Variants in OLFML1 observed in about 807,000 individuals in gnomAD.
OLFML1 encodes olfactomedin-like protein 1.
A neutral mutation model predicts 37.3 loss-of-function variants in OLFML1; 33 were observed. The ratio of observed to expected loss-of-function variants is 0.88; its 90% CI spans 0.67 to 1.18. OLFML1 has a LOEUF of 1.18. Ranked by LOEUF, OLFML1 falls within the 50% of genes most tolerant of loss-of-function variation. The pLI, the probability that OLFML1 is intolerant of heterozygous loss-of-function variation, is 0.00. For missense variants in OLFML1, 545 were observed against 483.7 expected, an observed-to-expected ratio of 1.13 and a Z score of -1.19; for synonymous variants, 186 against 181.3, an observed-to-expected ratio of 1.03 and a Z score of -0.21.
At chr11:7,491,413 G>A (rs1848596195) in intron 2 of OLFML1, among the ~76,000 whole-genome samples, 2 of 152,176 alleles carry the variant, frequency 1.3e-5, no homozygotes, top group South Asian at 4.1e-4. Context: ...CATGGAGAAG[G>A]CCACAGAAAT....
chr11:7,496,035 T>A (rs145676398), intron 2 of OLFML1, among the ~76,000 whole-genome samples: 26 of 152,290 alleles, frequency 1.7e-4, no homozygotes, highest in African/African-American at 6.3e-4. Context: ...CAACAATCGT[T>A]TATCATTTCT....
At chr11:7,503,687 C>T (rs113377587) in intron 2 of OLFML1, among the ~76,000 whole-genome samples, 4,926 of 152,120 alleles carry the variant, frequency 0.032, 107 homozygotes, top group Middle Eastern at 0.044. Flanking sequence ...GGATGATTTA[C>T]TGAATGATCC....
chr11:7,493,082 T>A (rs1007329559), intron 2 of OLFML1, among the ~76,000 whole-genome samples: 1 of 152,236 alleles, frequency 6.6e-6, no homozygotes, highest in Non-Finnish European at 1.5e-5. Context: ...AGAAAAATTC[T>A]CAAGGCAGTC....
chr11:7,488,686 C>T, intron 2 of OLFML1: 1 of 213,712 alleles, frequency 4.7e-6, no homozygotes, highest in Non-Finnish European at 9.3e-6. Flanking sequence ...AAAGAGACTA[C>T]CTCCTGATAA....
Position 7,488,459 on chromosome 11 carries a change from T to C in OLFML1, c.418+44T>C, listed in dbSNP as rs1235811282. The C allele has an allele frequency of 4.0e-6, 6 of 1,493,426 alleles. No homozygotes were observed. In the South Asian group the frequency reaches 6.4e-5, roughly 16 times the overall value. 92.5% of individuals were successfully genotyped at this position (1,493,426 alleles called of 1,614,324 possible). A position where few individuals can be genotyped will look rare whatever the true frequency, so the allele number is the denominator to read the frequency against. ...TTCCTAGCCCTTCTAGGGACTATTA[T>C]GCTCAGAAACACACAGACTCAGAGC... On this transcript the variant is annotated intron_variant, in intron 2 of 2. Transcript: ENST00000329293.
intron 2 of OLFML1, among the ~76,000 whole-genome samples, chr11:7,499,391 T>A (rs982180538): frequency 1.3e-5 from 2 of 152,250 alleles, no homozygotes; most frequent in African/African-American, 4.8e-5. Context: ...CTGCTAATTA[T>A]CTCTTCTCAA....
Position 7,510,163 on chromosome 11 carries a change from CAA to C in OLFML1, c.1186_1187del (p.Lys396GlufsTer27). On this transcript the variant is annotated frameshift_variant, in exon 3 of 3. Transcript: ENST00000329293. LOFTEE classifies it high-confidence loss of function. The stretch of plus-strand genomic sequence containing the variant: ...AACCAGATCATTTACAAACTCCAGA[CAA>C]AGAGAAAGCTGCCTCTGAAGTAATG... 1 of 1,609,134 alleles carries C rather than the reference CAA, an allele frequency of 6.2e-7. No homozygotes were observed. Among genetic ancestry groups the C allele is most frequent in the Non-Finnish European group, 8.5e-7 (1 of 1,179,360 alleles).
At chr11:7,493,711 G>A (rs1262084279) in intron 2 of OLFML1, among the ~76,000 whole-genome samples, 1 of 152,250 alleles carries the variant, frequency 6.6e-6, no homozygotes, top group East Asian at 1.9e-4. Flanking sequence ...TGAAAGGTCT[G>A]TGGGCTATGA....
In OLFML1 at chr11:7,509,914, G is replaced by A; in HGVS notation, c.935G>A (p.Cys312Tyr). The A allele has an allele frequency of 1.2e-6, 2 of 1,614,250 alleles. No homozygotes were observed. Among genetic ancestry groups the A allele is most frequent in the Non-Finnish European group, 1.7e-6 (2 of 1,180,048 alleles). The change falls in exon 3 of 3, where the codon TGC (cysteine) becomes TAC (tyrosine). Residue 312 changes from cysteine to tyrosine, a missense_variant. By Grantham distance (194) the Cys-to-Tyr change is radical (BLOSUM62 -2). Transcript: ENST00000329293. ...LGVEHSWDTP[C>Y]RSQDAEASFL... is the part of the protein sequence containing the mutation. Reference sequence around the variant, plus strand: ...GTGGAGCATTCATGGGATACCCCATGCAGAAGCCAGGATGCTGAAGCCTCA... The same window carrying A: ...GTGGAGCATTCATGGGATACCCCATACAGAAGCCAGGATGCTGAAGCCTCA...
At chr11:7,509,337 T>A in intron 2 of OLFML1, 61 bp from the exon 3 acceptor site, 2 of 1,333,176 alleles carry the variant, frequency 1.5e-6, no homozygotes, top group Non-Finnish European at 2.1e-6. Context: ...TGGGGAGCCT[T>A]CCAGAAAGCA....
Position 7,485,980 on chromosome 11 carries a change from C to G in OLFML1, c.105C>G (p.Ile35Met). ...CTQDPAMVHY[I>M]YQRFRVLEQG... ...AGGACCCAGCCATGGTGCATTACAT[C>G]TACCAGCGCTTTCGAGTCTTGGAGG... Residue 35 changes from isoleucine to methionine, a missense_variant, in exon 1 of 3, where the codon ATC (isoleucine) becomes ATG (methionine). Coordinates refer to ENST00000329293, the MANE Select transcript of OLFML1 (RefSeq NM_198474.4). 5 of 1,614,094 alleles carry G rather than the reference C, an allele frequency of 3.1e-6. No homozygotes were observed. Among genetic ancestry groups the G allele is most frequent in the Non-Finnish European group, 4.2e-6 (5 of 1,179,970 alleles).
At chr11:7,489,295 C>T (rs911650324) in intron 2 of OLFML1, among the ~76,000 whole-genome samples, 9 of 152,098 alleles carry the variant, frequency 5.9e-5, no homozygotes, top group African/African-American at 2.2e-4. Flanking sequence ...TGAGGTGACA[C>T]TTGGTCTCAG....
intron 1 of OLFML1, among the ~76,000 whole-genome samples, chr11:7,486,288 C>T (rs78585352): frequency 0.027 from 4,068 of 152,220 alleles, 189 homozygotes; most frequent in African/African-American, 0.092. Context: ...GTAAGGCTAT[C>T]CTGAAGATTT....
At chr11:7,489,405 A>T (rs1263570416) in intron 2 of OLFML1, among the ~76,000 whole-genome samples, 1 of 152,064 alleles carries the variant, frequency 6.6e-6, no homozygotes, top group Admixed American at 6.6e-5. Context: ...TGACATGTAG[A>T]CCCGCAAATA....
Position 7,505,102 on chromosome 11 carries a change from A to ATTT in OLFML1, c.419-4284_419-4282dup, listed in dbSNP as rs10642637. Among the ~76,000 whole-genome samples the ATTT allele has an allele frequency of 3.2e-3, 452 of 142,922 alleles. 3 individuals carry two copies. Among genetic ancestry groups the ATTT allele is most frequent in the African/African-American group, 6.8e-3 (262 of 38,502 alleles). The allele number at this position is 142,922 out of a possible 152,430, so 93.8% of individuals were successfully genotyped here. A position where few individuals can be genotyped will look rare whatever the true frequency, so the allele number is the denominator to read the frequency against. The stretch of plus-strand genomic sequence containing the variant: ...GCCCCCACACCTAGCTAATTATTGT[A>ATTT]TTTTTTTTTTTTTTAGAGATGGGGT... On this transcript the variant is annotated intron_variant, in intron 2 of 2. Transcript: ENST00000329293.
At chr11:7,486,925 G>C (rs770327563) in intron 1 of OLFML1, among the ~76,000 whole-genome samples, 1 of 152,212 alleles carries the variant, frequency 6.6e-6, no homozygotes, top group Non-Finnish European at 1.5e-5. Context: ...CTGGGGCCTG[G>C]AGGCAGTGGA....
chr11:7,509,224 T>C (rs997508420), intron 2 of OLFML1, among the ~76,000 whole-genome samples, 174 bp from the exon 3 acceptor site: 1 of 152,208 alleles, frequency 6.6e-6, no homozygotes, highest in African/African-American at 2.4e-5. Context: ...CGCTCTAGGA[T>C]TTTCCAAGGG....
chr11:7,509,852 T>C lies in OLFML1; in HGVS notation c.873T>C (p.His291=). ...AIHSGPGTHS[H]LVLTKIEPGT... is the part of the protein sequence containing the mutation. ...ACTCTGGGCCAGGCACCCATAGCCA[T>C]TTGGTTCTCACAAAGATTGAGCCGG... The change falls in exon 3 of 3, where the codon CAT becomes CAC. Residue 291 remains histidine, a synonymous_variant. Transcript: ENST00000329293. The C allele has an allele frequency of 3.1e-6, 5 of 1,614,188 alleles. No individual in the cohort carries two copies. Among genetic ancestry groups the C allele is most frequent in the Non-Finnish European group, 4.2e-6 (5 of 1,180,024 alleles).
intron 2 of OLFML1, among the ~76,000 whole-genome samples, chr11:7,506,275 G>T (rs1482458335): frequency 6.6e-6 from 1 of 152,198 alleles, no homozygotes; most frequent in Non-Finnish European, 1.5e-5. Flanking sequence ...AATTCATCAA[G>T]GAAGTCTAGA....
Sources: gnomAD v4.1 joint callset for allele counts (sites outside exome capture counted in the v4.1 genomes callset) on GRCh38, gnomAD v4.1.1 for gene constraint, MANE v1.5 for transcripts, NCBI Gene and HGNC (gene_info 2026-07-23, HGNC 2026-07-21) for gene names.